VAV2: variants seen among roughly 807,000 people sequenced by gnomAD.
The protein encoded by VAV2 is vav guanine nucleotide exchange factor 2.
In VAV2, 67 loss-of-function variants were observed where a neutral mutation model predicts 132.5. The observed-to-expected ratio is 0.51, with a 90% confidence interval of 0.42 to 0.62. The LOEUF (loss-of-function observed/expected upper bound fraction) is 0.62, where lower values mean the gene tolerates loss of function less well. VAV2 is among the 20% of genes least tolerant of loss of function. The pLI is 0.00. For missense variants in VAV2, 938 were observed against 1,153.6 expected, an observed-to-expected ratio of 0.81 and a Z score of 2.71; for synonymous variants, 492 against 443.5, an observed-to-expected ratio of 1.11 and a Z score of -1.37.
intron 3 of VAV2, among the ~76,000 whole-genome samples, chr9:133,835,174 C>T (rs1018645759): frequency 6.6e-5 from 10 of 152,186 alleles, no homozygotes; most frequent in African/African-American, 2.2e-4. Context: ...GCTCATCTGT[C>T]TTATGTCAAT....
At chr9:133,929,291 G>A (rs1205551366) in intron 2 of VAV2, among the ~76,000 whole-genome samples, 1 of 152,130 alleles carries the variant, frequency 6.6e-6, no homozygotes, top group Non-Finnish European at 1.5e-5. Context: ...GTGGGTTTGT[G>A]GTGGGGGAAG....
intron 3 of VAV2, among the ~76,000 whole-genome samples, chr9:133,843,237 C>T (rs755831794): frequency 5.3e-5 from 8 of 152,094 alleles, no homozygotes; most frequent in African/African-American, 1.2e-4. Flanking sequence ...GCAGGGAGCA[C>T]GCAGAGACAG....
chr9:133,792,066 GGT>G (rs368196281), intron 12 of VAV2, among the ~76,000 whole-genome samples, 197 bp from the exon 13 acceptor site: 2 of 142,154 alleles, frequency 1.4e-5, no homozygotes, highest in Non-Finnish European at 3.0e-5. Context: ...ACTGTGCTGT[GGT>G]GTGTGTGTGT....
chr9:133,932,474 G>T (rs1840721463), intron 2 of VAV2, among the ~76,000 whole-genome samples: 1 of 152,210 alleles, frequency 6.6e-6, no homozygotes, highest in African/African-American at 2.4e-5. Context: ...AGCCAGAAGA[G>T]AAACACTTCC....
At chr9:133,851,300 G>A (rs181036715) in intron 3 of VAV2, among the ~76,000 whole-genome samples, 28 of 152,282 alleles carry the variant, frequency 1.8e-4, no homozygotes, top group Non-Finnish European at 1.3e-4. Flanking sequence ...GGCACAGAGT[G>A]GCAGCTCCTC....
At chr9:133,864,599 G>A (rs1173011394) in intron 2 of VAV2, among the ~76,000 whole-genome samples, 1 of 152,238 alleles carries the variant, frequency 6.6e-6, no homozygotes, top group Middle Eastern at 3.2e-3. Flanking sequence ...CACTTTAAAA[G>A]ACAGACCCTA....
intron 2 of VAV2, among the ~76,000 whole-genome samples, chr9:133,895,900 C>A (rs1839179866): frequency 6.6e-6 from 1 of 151,640 alleles, no homozygotes; most frequent in Admixed American, 6.6e-5. Context: ...TGGTTCTCGG[C>A]CTTCTTAATT....
Position 133,775,081 on chromosome 9 carries a change from G to A in VAV2, c.2019-30C>T, listed in dbSNP as rs199902531. ...AGGAGGGGGCCGGGAGGAAACGAGAGCCGCAGTGAGGACAGTGTCTGAGGG... is the reference window on the plus strand; with the variant it reads ...AGGAGGGGGCCGGGAGGAAACGAGAACCGCAGTGAGGACAGTGTCTGAGGG... On this transcript the variant is annotated intron_variant, in intron 24 of 29. Coordinates refer to ENST00000371850, the MANE Select transcript of VAV2 (RefSeq NM_001134398.2). 5.8e-6 allele frequency: 9 copies of A among 1,562,770 alleles called. No homozygotes were observed. In the African/African-American group the frequency reaches 1.2e-4, roughly 21 times the overall value.
chr9:133,826,504 G>T lies in VAV2; in HGVS notation c.449+7768C>A, dbSNP rs1209046040. Among the ~76,000 whole-genome samples, 3 of 152,272 alleles carry T rather than the reference G, an allele frequency of 2.0e-5. No homozygotes were observed. The highest frequency in any genetic ancestry group is 7.2e-5 in the African/African-American group (3 of 41,558). ...CTCATGCAGCCACCGGAGTGGCGGG[G>T]TGCCTTCCCACAGCAGCCTGTGAGG... On this transcript the variant is annotated intron_variant, in intron 4 of 29. Transcript: ENST00000371850. The surrounding 1 kb of genome is among the most constrained non-coding windows in gnomAD (Gnocchi z 4.2).
intron 1 of VAV2, among the ~76,000 whole-genome samples, chr9:133,971,661 G>A (rs1425480818): frequency 3.3e-5 from 5 of 152,184 alleles, no homozygotes; most frequent in African/African-American, 1.2e-4. Flanking sequence ...AAGGGTCAAG[G>A]CCAGCGTGGG....
intron 15 of VAV2, among the ~76,000 whole-genome samples, chr9:133,787,827 AGGCCCCACCCCTGCAGCCCT>A (rs528955905): frequency 0.015 from 2,193 of 146,384 alleles, 57 homozygotes; most frequent in African/African-American, 0.052. Flanking sequence ...CAGCAGCCAC[AGGCCCCACCCCTGCAGCCCT>A]GGCCCCACCC....
chr9:133,802,147 T>C lies in VAV2; in HGVS notation c.836+3934A>G, dbSNP rs1834951722. On this transcript the variant is annotated intron_variant, in intron 9 of 29. Transcript: ENST00000371850. This position sits in a 1 kb window ranked among gnomAD's most constrained non-coding sequence, Gnocchi z 5.8. ...CCGAAAAATGGAGAGAAAATGACAG[T>C]GACTCCAAGCCTATTGGAGGAAGTC... is the stretch of plus-strand genomic sequence containing the variant. Among the ~76,000 whole-genome samples the C allele has an allele frequency of 6.6e-6, 1 of 152,056 alleles. No homozygotes were observed. The highest frequency in any genetic ancestry group is 2.4e-5 in the African/African-American group (1 of 41,394).
intron 2 of VAV2, among the ~76,000 whole-genome samples, chr9:133,899,945 C>T (rs1409164484): frequency 2.6e-5 from 4 of 150,956 alleles, no homozygotes; most frequent in South Asian, 2.1e-4. Flanking sequence ...GGCGTGAACC[C>T]GGGAGGCGGA....
At chr9:133,792,158 T>C (rs538324191) in intron 12 of VAV2, among the ~76,000 whole-genome samples, 16 of 128,812 alleles carry the variant, frequency 1.2e-4, no homozygotes, top group Admixed American at 9.3e-4. Flanking sequence ...TGTGTGTGAC[T>C]GTGTGTGTGT....
Position 133,967,463 on chromosome 9 carries a change from G to T in VAV2, c.204+24612C>A, listed in dbSNP as rs185766257. Among the ~76,000 whole-genome samples, 27 of 152,304 alleles carry T rather than the reference G, an allele frequency of 1.8e-4. No individual in the cohort carries two copies. The East Asian group carries it at 3.7e-3, about 21-fold the overall frequency. On this transcript the variant is annotated intron_variant, in intron 1 of 29. Transcript: ENST00000371850. Reference sequence around the variant, plus strand: ...ATATATCTGCACTCCCACCTTTACCGTAGCACTATTCACAATCAACCTAAA... The same window carrying T: ...ATATATCTGCACTCCCACCTTTACCTTAGCACTATTCACAATCAACCTAAA...
intron 29 of VAV2, among the ~76,000 whole-genome samples, chr9:133,766,247 C>T (rs1833426707): frequency 6.6e-6 from 1 of 152,204 alleles, no homozygotes; most frequent in African/African-American, 2.4e-5. Flanking sequence ...CCCACACTGT[C>T]TTCCACAATG....
At position 133,804,307 on chromosome 9, in the gene VAV2, G is replaced by C. The variant is rs570364931; in HGVS notation, c.836+1774C>G. On this transcript the variant is annotated intron_variant, in intron 9 of 29. Transcript: ENST00000371850. The surrounding 1 kb of genome is among the most constrained non-coding windows in gnomAD (Gnocchi z 4.5). ...CTTCCCCAAACAGACCCCGACTGAC[G>C]GATCTCGCCACACGCCTCGCTGCCA... Among the ~76,000 whole-genome samples the C allele has an allele frequency of 6.6e-6, 1 of 152,236 alleles. No individual in the cohort carries two copies. The highest frequency in any genetic ancestry group is 1.9e-4 in the East Asian group (1 of 5,198).
intron 13 of VAV2, among the ~76,000 whole-genome samples, chr9:133,791,105 G>A (rs567271031): frequency 2.1e-4 from 32 of 152,222 alleles, no homozygotes; most frequent in Admixed American, 5.9e-4. Flanking sequence ...GCAGTGCTGA[G>A]GTGGAGAAGC....
intron 1 of VAV2, among the ~76,000 whole-genome samples, chr9:133,958,237 T>G (rs1841852772): frequency 8.1e-6 from 1 of 123,772 alleles, no homozygotes; most frequent in Non-Finnish European, 1.9e-5. Flanking sequence ...AAGGCATGCC[T>G]CTTGCAGTTG....
Sources: allele counts gnomAD v4.1 joint callset (sites outside exome capture counted in the v4.1 genomes callset), GRCh38; gene constraint gnomAD v4.1.1; non-coding constraint Gnocchi (gnomAD v3.1); transcripts MANE v1.5; gene names NCBI Gene and HGNC (gene_info 2026-07-23, HGNC 2026-07-21).